MAP4K3: variants seen among roughly 807,000 people sequenced by gnomAD.
MAP4K3 encodes mitogen-activated protein kinase kinase kinase kinase 3.
A neutral mutation model predicts 143.5 loss-of-function variants in MAP4K3; 94 were observed. The ratio of observed to expected loss-of-function variants is 0.65; its 90% CI spans 0.55 to 0.78. MAP4K3 has a LOEUF of 0.78. Ranked by LOEUF, MAP4K3 falls within the 30% of genes least tolerant of loss-of-function variation. The pLI, the probability that MAP4K3 is intolerant of heterozygous loss-of-function variation, is 0.00. For synonymous variants in MAP4K3, 416 were observed against 347.2 expected (o/e 1.20, Z -2.20); for missense variants, 1,077 against 1,068.1 (o/e 1.01, Z -0.12).
chr2:39,373,811 G>C (rs7561630), intron 2 of MAP4K3, among the ~76,000 whole-genome samples: 105,398 of 152,054 alleles, frequency 0.69, 40,070 homozygotes, highest in Non-Finnish European at 0.84. Context: ...GGCTTGGTGG[G>C]GGGGTAGAAG....
intron 21 of MAP4K3, among the ~76,000 whole-genome samples, chr2:39,286,336 C>T (rs751445028): frequency 1.3e-5 from 2 of 152,232 alleles, no homozygotes; most frequent in African/African-American, 4.8e-5. Context: ...CCACTGCTCA[C>T]CTCCTGCTGT....
chr2:39,310,087 A>C (rs1320221266), intron 13 of MAP4K3, among the ~76,000 whole-genome samples: 1 of 152,226 alleles, frequency 6.6e-6, no homozygotes, highest in Non-Finnish European at 1.5e-5. Context: ...TATCTATCAC[A>C]TCAAACATTT....
chr2:39,424,807 G>A (rs1296634130), intron 1 of MAP4K3, among the ~76,000 whole-genome samples: 1 of 144,392 alleles, frequency 6.9e-6, no homozygotes, highest in Admixed American at 6.9e-5. Context: ...CACCAGCCTG[G>A]GTGACAGAGT....
chr2:39,300,011 C>T (rs1352619252), intron 15 of MAP4K3, among the ~76,000 whole-genome samples: 1 of 151,962 alleles, frequency 6.6e-6, no homozygotes, highest in Non-Finnish European at 1.5e-5. Context: ...TGGAATTTTT[C>T]TGAATAATAT....
At chr2:39,377,445 AGAGT>A (rs1323377881) in intron 2 of MAP4K3, among the ~76,000 whole-genome samples, 4 of 152,088 alleles carry the variant, frequency 2.6e-5, no homozygotes, top group South Asian at 2.1e-4. Flanking sequence ...GAATAAACAA[AGAGT>A]GAGTAATTAG....
chr2:39,287,614 T>G (rs998051248), intron 20 of MAP4K3, among the ~76,000 whole-genome samples: 1 of 152,202 alleles, frequency 6.6e-6, no homozygotes, highest in African/African-American at 2.4e-5. Flanking sequence ...AGTTGCTCTT[T>G]TTTAAAATTG....
intron 1 of MAP4K3, among the ~76,000 whole-genome samples, chr2:39,393,612 C>T (rs571397131): frequency 2.6e-5 from 4 of 152,200 alleles, no homozygotes; most frequent in East Asian, 1.9e-4. Context: ...GCTCCCAAAG[C>T]GAGCAACAAA....
intron 1 of MAP4K3, among the ~76,000 whole-genome samples, chr2:39,414,817 C>T (rs1667327281): frequency 6.6e-6 from 1 of 151,450 alleles, no homozygotes; most frequent in Non-Finnish European, 1.5e-5. Flanking sequence ...TCAGAGGTTG[C>T]AGTGAGCTGA....
At chr2:39,363,668 CAAAAAAAAA>C in intron 2 of MAP4K3, among the ~76,000 whole-genome samples, 1 of 83,742 alleles carries the variant, frequency 1.2e-5, no homozygotes, top group South Asian at 5.0e-4. Flanking sequence ...GACTCTGTCT[CAAAAAAAAA>C]AAAAAAAAAA....
chr2:39,264,923 G>C (rs1253013776), intron 28 of MAP4K3, among the ~76,000 whole-genome samples: 52 of 152,090 alleles, frequency 3.4e-4, no homozygotes, highest in Admixed American at 3.4e-3. Flanking sequence ...ATATTTCACT[G>C]ATCTTTTAGT....
chr2:39,267,112 C>T lies in MAP4K3; in HGVS notation c.2032+77G>A, dbSNP rs930131994. On this transcript the variant is annotated intron_variant, in intron 27 of 33. Coordinates refer to ENST00000263881, the MANE Select transcript of MAP4K3 (RefSeq NM_003618.4). ...AAAATAAAGTATTGCTGGCAGAATG[C>T]CCTGGGGTAGTACTGTTTTATGCCA... 1.6e-5 allele frequency: 22 copies of T among 1,349,282 alleles called. No individual in the cohort carries two copies. In the Middle Eastern group the frequency reaches 9.0e-4, roughly 55 times the overall value. The allele number at this position is 1,349,282 out of a possible 1,614,324, so 83.6% of individuals were successfully genotyped here.
chr2:39,353,984 T>C (rs1303400231), intron 3 of MAP4K3, among the ~76,000 whole-genome samples: 2 of 152,110 alleles, frequency 1.3e-5, no homozygotes, highest in African/African-American at 4.8e-5. Flanking sequence ...AGACAATCTG[T>C]CTCCAGAACT....
intron 24 of MAP4K3, among the ~76,000 whole-genome samples, chr2:39,273,004 T>C (rs192412868): frequency 6.6e-6 from 1 of 151,198 alleles, no homozygotes; most frequent in East Asian, 2.0e-4. Context: ...ACACTAGGTA[T>C]GGAGGGAAAA....
chr2:39,337,624 A>C, intron 4 of MAP4K3, 43 bp from the exon 5 acceptor site: 2 of 1,276,176 alleles, frequency 1.6e-6, no homozygotes, highest in Middle Eastern at 3.9e-4. Flanking sequence ...TAGTCAACGC[A>C]TGTTTTTCAA....
rs1408134698 is a variant in MAP4K3, at chr2:39,337,592, A to C, written c.311-11T>G. 4 of 1,595,104 alleles carry C rather than the reference A, an allele frequency of 2.5e-6. No homozygotes were observed. The highest frequency in any genetic ancestry group is 2.2e-5 in the South Asian group (2 of 90,428). Reference sequence around the variant, plus strand: ...ACAGAGGTCCAGTTACTGTAAAAGAAGACAATTAATACTCATAAAATTAGT... The same window carrying C: ...ACAGAGGTCCAGTTACTGTAAAAGACGACAATTAATACTCATAAAATTAGT... On this transcript the variant is annotated splice_polypyrimidine_tract_variant and intron_variant, in intron 4 of 33. Transcript: ENST00000263881.
intron 14 of MAP4K3, among the ~76,000 whole-genome samples, chr2:39,308,770 C>T (rs1384594197): frequency 1.3e-5 from 2 of 151,958 alleles, no homozygotes; most frequent in African/African-American, 4.8e-5. Context: ...ACAAAAGAAT[C>T]ATGCAAAGTA....
chr2:39,337,578 G>T lies in MAP4K3; in HGVS notation c.314C>A (p.Thr105Asn). 6.2e-7 allele frequency: 1 copy of T among 1,607,376 alleles called. No individual in the cohort carries two copies. The highest frequency in any genetic ancestry group is 8.5e-7 in the Non-Finnish European group (1 of 1,174,440). ...AATTTGCAGTTCTGACAGAGGTCCAGTTACTGTAAAAGAAGACAATTAATA... is the reference window on the plus strand; with the variant it reads ...AATTTGCAGTTCTGACAGAGGTCCATTTACTGTAAAAGAAGACAATTAATA... ...GGSLQDIYHVTGPLSELQIAY... is the reference protein window; with the variant it reads ...GGSLQDIYHVNGPLSELQIAY... Residue 105 changes from threonine (T) to asparagine (N), a missense_variant, in exon 5 of 34, where the codon ACT becomes AAT. This residue lies in a region of MAP4K3 where 213 missense variants were observed against 266.8 expected (regional missense o/e 0.80). Transcript: ENST00000263881.
chr2:39,364,101 A>G (rs192500454), intron 2 of MAP4K3, among the ~76,000 whole-genome samples: 1 of 152,282 alleles, frequency 6.6e-6, no homozygotes, highest in Non-Finnish European at 1.5e-5. Context: ...GGAAAACAGT[A>G]CAGAAGTTCC....
intron 13 of MAP4K3, among the ~76,000 whole-genome samples, chr2:39,309,850 G>A (rs994875257): frequency 4.6e-5 from 7 of 151,892 alleles, no homozygotes; most frequent in African/African-American, 1.2e-4. Context: ...GAGCCACTGC[G>A]CCCGGCCAAA....
Sources: allele counts gnomAD v4.1 joint callset (sites outside exome capture counted in the v4.1 genomes callset), GRCh38; gene constraint gnomAD v4.1.1; regional missense constraint gnomAD v4.1.1; transcripts MANE v1.5; gene names NCBI Gene and HGNC (gene_info 2026-07-23, HGNC 2026-07-21).